Variants in CCDC91 observed in about 807,000 individuals in gnomAD.
CCDC91 encodes the protein coiled-coil domain-containing protein 91.
Under a neutral mutation model 63.2 loss-of-function variants are expected in CCDC91, and 48 were observed. The observed-to-expected ratio is 0.76, with a 90% CI of 0.60 to 0.97. CCDC91 has a LOEUF of 0.97. Ranked by LOEUF, CCDC91 falls within the 50% of genes least tolerant of loss-of-function variation. CCDC91 has a pLI of 0.00. For synonymous variants in CCDC91, 167 were observed against 165.8 expected (o/e 1.01, Z -0.06); for missense variants, 500 against 494.6 (o/e 1.01, Z -0.10).
chr12:28,508,528 C>A (rs537538614), intron 12 of CCDC91, among the ~76,000 whole-genome samples: 2 of 151,912 alleles, frequency 1.3e-5, no homozygotes, highest in South Asian at 4.1e-4. Flanking sequence ...ACTTGGATGC[C>A]AATCATAATT....
At chr12:28,352,397 T>G (rs563431689) in intron 6 of CCDC91, among the ~76,000 whole-genome samples, 89 of 151,700 alleles carry the variant, frequency 5.9e-4, no homozygotes, top group Admixed American at 1.1e-3. Context: ...AAAATAAAAC[T>G]TCTTTCAAAA....
chr12:28,371,603 T>A (rs1944626522), intron 7 of CCDC91, among the ~76,000 whole-genome samples: 1 of 152,206 alleles, frequency 6.6e-6, no homozygotes, highest in Admixed American at 6.5e-5. Context: ...TTTAAATCAG[T>A]TAAGAAAAGA....
chr12:28,458,920 T>G (rs1248105005), intron 11 of CCDC91, among the ~76,000 whole-genome samples: 2 of 152,188 alleles, frequency 1.3e-5, no homozygotes, highest in South Asian at 2.1e-4. Flanking sequence ...TCTCCCACTT[T>G]AAATTCTTCC....
chr12:28,520,206 G>A (rs1222466637), intron 12 of CCDC91, among the ~76,000 whole-genome samples: 18 of 152,084 alleles, frequency 1.2e-4, no homozygotes, highest in East Asian at 1.9e-4. Context: ...AAGTTTTCCT[G>A]TTTCTCCACA....
intron 8 of CCDC91, among the ~76,000 whole-genome samples, chr12:28,414,604 T>C (rs1947524921): frequency 6.6e-6 from 1 of 152,230 alleles, no homozygotes; most frequent in Non-Finnish European, 1.5e-5. Flanking sequence ...GATTCTTTTC[T>C]GTATGGCACA....
In CCDC91 at chr12:28,379,413, G is replaced by A. The variant is rs1384416060; in HGVS notation, c.655-11891G>A. ...TTGCAGTCTACCCATCTGACAAAGG[G>A]CTAATATCCAGAATCTACAAAGAAC... On this transcript the variant is annotated intron_variant, in intron 7 of 12. Transcript: ENST00000536442. 2.8e-5 allele frequency among the ~76,000 whole-genome samples: 4 copies of A among 143,956 alleles called. No individual in the cohort carries two copies. In the Admixed American group the frequency reaches 2.8e-4, roughly 10 times the overall value. 94.4% of individuals were successfully genotyped at this position (143,956 alleles called of 152,430 possible).
intron 6 of CCDC91, among the ~76,000 whole-genome samples, chr12:28,323,765 A>G (rs1210009363): frequency 1.3e-5 from 2 of 151,950 alleles, no homozygotes; most frequent in Admixed American, 6.6e-5. Context: ...TCTTTGCCAA[A>G]TAGTCAGGTG....
chr12:28,319,992 A>T (rs1200429281), intron 6 of CCDC91, among the ~76,000 whole-genome samples: 1 of 151,866 alleles, frequency 6.6e-6, no homozygotes, highest in Non-Finnish European at 1.5e-5. Flanking sequence ...TCCAGGCTGT[A>T]TGCTAAATCT....
intron 10 of CCDC91, among the ~76,000 whole-genome samples, chr12:28,451,914 A>G (rs1949819805): frequency 6.6e-6 from 1 of 151,666 alleles, no homozygotes; most frequent in African/African-American, 2.4e-5. Context: ...CAACTAAAAA[A>G]CATCATTACA....
chr12:28,441,697 A>C (rs375436519), intron 8 of CCDC91, among the ~76,000 whole-genome samples: 13 of 138,774 alleles, frequency 9.4e-5, no homozygotes, highest in East Asian at 7.9e-4. Flanking sequence ...GTATATATAT[A>C]TCTCTCTCAT....
intron 6 of CCDC91, among the ~76,000 whole-genome samples, chr12:28,340,093 T>C (rs1013520892): frequency 1.3e-5 from 2 of 152,180 alleles, no homozygotes; most frequent in South Asian, 2.1e-4. Flanking sequence ...AGAGCTTATG[T>C]TTATTGATAT....
At chr12:28,462,648 G>A (rs1401123108) in intron 11 of CCDC91, among the ~76,000 whole-genome samples, 1 of 152,128 alleles carries the variant, frequency 6.6e-6, no homozygotes, top group Non-Finnish European at 1.5e-5. Flanking sequence ...CTGTGCATCT[G>A]CAGTTTGTAC....
intron 11 of CCDC91, among the ~76,000 whole-genome samples, chr12:28,477,902 A>C (rs541371844): frequency 7.6e-4 from 115 of 152,298 alleles, no homozygotes; most frequent in African/African-American, 2.4e-3. Flanking sequence ...AATCCAACTT[A>C]CAAGGGATGT....
intron 5 of CCDC91, among the ~76,000 whole-genome samples, chr12:28,307,255 A>G (rs1732881691): frequency 6.6e-6 from 1 of 152,030 alleles, no homozygotes; most frequent in African/African-American, 2.4e-5. Flanking sequence ...ATTTTGCGAC[A>G]TCAACTTTTC....
intron 8 of CCDC91, among the ~76,000 whole-genome samples, chr12:28,394,515 A>G (rs1374275727): frequency 1.3e-5 from 2 of 152,080 alleles, no homozygotes; most frequent in African/African-American, 2.4e-5. Context: ...TTTGATTAGT[A>G]TGTATTAATA....
Position 28,299,892 on chromosome 12 carries a change from T to C in CCDC91, c.110-5757T>C, listed in dbSNP as rs368026730. Reference sequence around the variant, plus strand: ...AATGTTCTTTATTTATTAGGAATATTGGCCCTTATCTGTGATACATGTTAT... The same window carrying C: ...AATGTTCTTTATTTATTAGGAATATCGGCCCTTATCTGTGATACATGTTAT... On this transcript the variant is annotated intron_variant, in intron 3 of 12. Coordinates refer to ENST00000536442, the MANE Select transcript of CCDC91 (RefSeq NM_018318.5). Among the ~76,000 whole-genome samples the C allele has an allele frequency of 3.4e-4, 52 of 151,568 alleles. 1 individual carries two copies. The South Asian group carries it at 3.7e-3, about 11-fold the overall frequency.
At chr12:28,275,701 A>T (rs1336498039) in intron 3 of CCDC91, among the ~76,000 whole-genome samples, 1 of 152,172 alleles carries the variant, frequency 6.6e-6, no homozygotes, top group African/African-American at 2.4e-5. Context: ...TCCCTGATGA[A>T]CACCGATGCA....
chr12:28,539,110 A>G (rs1942428564), intron 12 of CCDC91, among the ~76,000 whole-genome samples: 1 of 152,186 alleles, frequency 6.6e-6, no homozygotes, highest in South Asian at 2.1e-4. Flanking sequence ...TCTTCAGTTG[A>G]ATAAGATCCC....
chr12:28,509,257 T>C (rs2141256154), intron 12 of CCDC91, among the ~76,000 whole-genome samples: 1 of 152,010 alleles, frequency 6.6e-6, no homozygotes, highest in Middle Eastern at 3.4e-3. Flanking sequence ...ATACGTAGTC[T>C]CCTGCCTCCT....
Sources: gnomAD v4.1 joint callset for allele counts (sites outside exome capture counted in the v4.1 genomes callset) on GRCh38, gnomAD v4.1.1 for gene constraint, MANE v1.5 for transcripts, NCBI Gene and HGNC (gene_info 2026-07-23, HGNC 2026-07-21) for gene names.